Variants in DLG2 observed in about 807,000 individuals in gnomAD.
DLG2 encodes disks large homolog 2.
A neutral mutation model predicts 132.5 loss-of-function variants in DLG2; 45 were observed. The observed-to-expected ratio is 0.34, with a 90% CI of 0.27 to 0.44. The LOEUF is 0.44. Among genes scored for constraint, DLG2 ranks in the 20% least tolerant of loss-of-function variants. The pLI is 1.00. For synonymous variants in DLG2, 424 were observed against 419.6 expected (o/e 1.01, Z -0.13); for missense variants, 1,045 against 1,196.9 (o/e 0.87, Z 1.87).
rs111749876 is a variant in DLG2 at position 84,654,679 on chromosome 11, C to T, written c.358-119948G>A. Among the ~76,000 whole-genome samples the T allele has an allele frequency of 1.6e-3, 250 of 152,226 alleles. 1 individual carries two copies. Among genetic ancestry groups the T allele is most frequent in the African/African-American group, 5.7e-3 (235 of 41,524 alleles). On this transcript the variant is annotated intron_variant, in intron 6 of 27. Transcript: ENST00000376104. ...TCTAGCTGGCTGGTATGTTCAATAT[C>T]GGGGCCTGGATCTTACTTACTTTTG...
intron 8 of DLG2, among the ~76,000 whole-genome samples, chr11:84,170,956 C>T (rs1266398891): frequency 6.6e-6 from 1 of 152,066 alleles, no homozygotes; most frequent in African/African-American, 2.4e-5. Context: ...ATCTCTCTGA[C>T]CTCTGAATAT....
At chr11:84,803,668 AG>A (rs910110526) in intron 6 of DLG2, among the ~76,000 whole-genome samples, 8 of 152,234 alleles carry the variant, frequency 5.3e-5, no homozygotes, top group African/African-American at 1.7e-4. Context: ...ATGTGCCTTT[AG>A]GTTTTACATT....
intron 19 of DLG2, among the ~76,000 whole-genome samples, chr11:83,594,577 G>A (rs930114711): frequency 3.3e-5 from 5 of 152,126 alleles, no homozygotes; most frequent in African/African-American, 1.2e-4. Flanking sequence ...AGCAATCAAG[G>A]TTTATATTAA....
At chr11:85,497,948 A>G (rs1474444787) in intron 3 of DLG2, among the ~76,000 whole-genome samples, 3 of 152,230 alleles carry the variant, frequency 2.0e-5, no homozygotes, top group African/African-American at 7.2e-5. Context: ...ATGGATAGGA[A>G]CAACTGGTAC....
intron 9 of DLG2, among the ~76,000 whole-genome samples, chr11:84,151,980 G>A (rs1584853): frequency 0.01 from 1,555 of 152,240 alleles, 8 homozygotes; most frequent in Non-Finnish European, 0.015. Context: ...AGTAGATCTT[G>A]GAGTGTGTTC....
At chr11:85,135,830 G>C (rs1293154267) in intron 5 of DLG2, among the ~76,000 whole-genome samples, 2 of 152,154 alleles carry the variant, frequency 1.3e-5, no homozygotes, top group African/African-American at 4.8e-5. Flanking sequence ...GTGAGGAAAA[G>C]CTAGCAAAAT....
At chr11:84,532,728 A>G (rs1357716256) in intron 7 of DLG2, among the ~76,000 whole-genome samples, 1 of 152,152 alleles carries the variant, frequency 6.6e-6, no homozygotes, top group Non-Finnish European at 1.5e-5. Flanking sequence ...AAGTCCTGGG[A>G]TCAGCGGTCC....
rs1045673700 is a variant in DLG2, at chr11:85,519,145, C to A, written c.40+79512G>T. Reference sequence around the variant, plus strand: ...TTGGAGGCCCCACACAGAGTCCCTACTGGGGCACTGCCTAATGGAACTGTT... The same window carrying A: ...TTGGAGGCCCCACACAGAGTCCCTAATGGGGCACTGCCTAATGGAACTGTT... On this transcript the variant is annotated intron_variant, in intron 3 of 27. Coordinates refer to ENST00000376104, the MANE Select transcript of DLG2 (RefSeq NM_001142699.3). Among the ~76,000 whole-genome samples, 11 of 152,308 alleles carry A rather than the reference C, an allele frequency of 7.2e-5. No homozygotes were observed. In the East Asian group the frequency reaches 1.9e-3, roughly 27 times the overall value.
In DLG2 at chr11:85,421,265, T is replaced by C. The variant is rs546077227; in HGVS notation, c.41-135900A>G. 1.3e-4 allele frequency among the ~76,000 whole-genome samples: 20 copies of C among 152,170 alleles called. No homozygotes were observed. The South Asian group carries it at 3.9e-3, about 30-fold the overall frequency. ...TTTCCCTGCTTCAGCTTGTCCTTTG[T>C]GGGTTGCACCCACTGTTTAACCAGT... On this transcript the variant is annotated intron_variant, in intron 3 of 27. Transcript: ENST00000376104.
chr11:85,258,801 A>C (rs1386352536), intron 4 of DLG2, among the ~76,000 whole-genome samples: 1 of 152,098 alleles, frequency 6.6e-6, no homozygotes, highest in Non-Finnish European at 1.5e-5. Context: ...AGTGTAGGAG[A>C]GGGGAGGCTC....
intron 3 of DLG2, among the ~76,000 whole-genome samples, chr11:85,415,577 T>C (rs1191111710): frequency 2.0e-5 from 3 of 152,226 alleles, no homozygotes; most frequent in Admixed American, 6.5e-5. Flanking sequence ...TGGTTTCTCA[T>C]TGCGATTTTG....
intron 3 of DLG2, among the ~76,000 whole-genome samples, chr11:85,533,213 G>A (rs1382074633): frequency 1.3e-5 from 2 of 151,820 alleles, no homozygotes; most frequent in Non-Finnish European, 2.9e-5. Flanking sequence ...TAGTAGAGAT[G>A]GGGTTTCACC....
intron 3 of DLG2, among the ~76,000 whole-genome samples, chr11:85,596,702 A>G (rs2079795736): frequency 6.6e-6 from 1 of 152,186 alleles, no homozygotes; most frequent in South Asian, 2.1e-4. Context: ...ATTATAGACC[A>G]TAACAATGCG....
chr11:84,295,700 C>A (rs895252763), intron 7 of DLG2, among the ~76,000 whole-genome samples: 7 of 152,196 alleles, frequency 4.6e-5, no homozygotes, highest in African/African-American at 1.4e-4. Context: ...GTTTCTACTT[C>A]TGTGCCTTTC....
chr11:84,945,879 G>A (rs977288287), intron 6 of DLG2, among the ~76,000 whole-genome samples: 1 of 152,052 alleles, frequency 6.6e-6, no homozygotes, highest in African/African-American at 2.4e-5. Flanking sequence ...AAGCCACTTG[G>A]TGCTCTATTC....
intron 3 of DLG2, among the ~76,000 whole-genome samples, chr11:85,372,658 G>A (rs972173420): frequency 2.6e-5 from 4 of 152,216 alleles, no homozygotes; most frequent in African/African-American, 9.6e-5. Context: ...GGAACTCTAA[G>A]GCTACTAAGA....
chr11:85,453,229 C>A, intron 3 of DLG2: 1 of 366,090 alleles, frequency 2.7e-6, no homozygotes, highest in South Asian at 6.1e-5. Context: ...AAATTATTAT[C>A]TGGTCCAGTG....
chr11:85,208,400 A>T (rs1205470713), intron 4 of DLG2, among the ~76,000 whole-genome samples: 1 of 152,168 alleles, frequency 6.6e-6, no homozygotes, highest in Non-Finnish European at 1.5e-5. Context: ...TTGATATGCT[A>T]GCGTATACTA....
chr11:83,511,235 G>A (rs2095018449), intron 21 of DLG2, among the ~76,000 whole-genome samples: 2 of 152,154 alleles, frequency 1.3e-5, no homozygotes, highest in Non-Finnish European at 2.9e-5. Flanking sequence ...AAGCCAGAGA[G>A]AACATGCTAT....
Sources: allele counts gnomAD v4.1 joint callset (sites outside exome capture counted in the v4.1 genomes callset), GRCh38; gene constraint gnomAD v4.1.1; transcripts MANE v1.5; gene names NCBI Gene and HGNC (gene_info 2026-07-23, HGNC 2026-07-21).